The following LINGO2 variants were observed in gnomAD, a reference collection of about 807,000 sequenced individuals.
The protein encoded by LINGO2 is leucine-rich repeat and immunoglobulin-like domain-containing nogo receptor-interacting protein 2.
A neutral mutation model predicts 30.6 loss-of-function variants in LINGO2; 14 were observed. The observed-to-expected ratio is 0.46, with a 90% CI of 0.30 to 0.72. The LOEUF (loss-of-function observed/expected upper bound fraction) is 0.72, where lower values mean the gene tolerates loss of function less well. LINGO2 is among the 30% of genes least tolerant of loss of function. The pLI is 0.07. For synonymous variants in LINGO2, 317 were observed against 288.5 expected (o/e 1.10, Z -1.00); for missense variants, 729 against 751.7 (o/e 0.97, Z 0.35).
the LINGO2 span, among the ~76,000 whole-genome samples, chr9:29,136,560 A>G: frequency 6.6e-6 from 1 of 151,978 alleles, no homozygotes; most frequent in Admixed American, 6.6e-5. Flanking sequence ...TTCCTCTTAA[A>G]ATATTTCTTC....
At chr9:28,046,798 G>A (rs1257966470) in intron 4 of LINGO2, among the ~76,000 whole-genome samples, 1 of 152,052 alleles carries the variant, frequency 6.6e-6, no homozygotes, top group African/African-American at 2.4e-5. Context: ...CTCAAAGTAT[G>A]TGGCCAAGAA....
chr9:28,150,263 C>T (rs1476611961), intron 4 of LINGO2, among the ~76,000 whole-genome samples: 1 of 152,262 alleles, frequency 6.6e-6, no homozygotes, highest in Non-Finnish European at 1.5e-5. Context: ...AGCATCTCTG[C>T]CCGGCTGCTG....
chr9:28,237,426 G>A (rs979257213), intron 4 of LINGO2, among the ~76,000 whole-genome samples: 3 of 151,968 alleles, frequency 2.0e-5, no homozygotes, highest in Admixed American at 6.6e-5. Flanking sequence ...AAAATGGCAG[G>A]AGTAAGTCAC....
At chr9:28,749,410 G>A in the LINGO2 span, among the ~76,000 whole-genome samples, 1 of 151,910 alleles carries the variant, frequency 6.6e-6, no homozygotes, top group South Asian at 2.1e-4. Context: ...AGAGAATAAT[G>A]AGTTAGGACT....
chr9:29,191,921 T>C, the LINGO2 span, among the ~76,000 whole-genome samples: 1 of 152,154 alleles, frequency 6.6e-6, no homozygotes, highest in East Asian at 1.9e-4. Flanking sequence ...TTTCTTAATA[T>C]TGAGTTCACC....
At chr9:28,367,442 G>A (rs957973190) in intron 3 of LINGO2, among the ~76,000 whole-genome samples, 3 of 152,066 alleles carry the variant, frequency 2.0e-5, no homozygotes, top group African/African-American at 7.2e-5. Context: ...TGCATAAGCT[G>A]ATATTCCAGA....
chr9:27,994,151 AG>A (rs1346585752), intron 5 of LINGO2, among the ~76,000 whole-genome samples: 1 of 152,076 alleles, frequency 6.6e-6, no homozygotes, highest in African/African-American at 2.4e-5. Flanking sequence ...CAGCAAAAGT[AG>A]TACTAAACGG....
the LINGO2 span, among the ~76,000 whole-genome samples, chr9:28,970,788 T>C: frequency 1.3e-5 from 2 of 152,234 alleles, no homozygotes; most frequent in Admixed American, 6.5e-5. Flanking sequence ...CTGAGTAAAC[T>C]TGAAAGGCAG....
intron 3 of LINGO2, among the ~76,000 whole-genome samples, chr9:28,304,955 TTCTATTACTTA>T (rs1481242992): frequency 6.6e-6 from 1 of 152,038 alleles, no homozygotes; most frequent in Non-Finnish European, 1.5e-5. Context: ...AATACTTTAA[TTCTATTACTTA>T]TCAATGTTCT....
the LINGO2 span, among the ~76,000 whole-genome samples, chr9:28,859,164 T>G: frequency 3.3e-5 from 5 of 152,214 alleles, no homozygotes; most frequent in Non-Finnish European, 5.9e-5. Context: ...GTTTTTTACT[T>G]TTCCCAATTC....
intron 1 of LINGO2, among the ~76,000 whole-genome samples, chr9:28,498,525 G>C (rs2135303734): frequency 6.6e-6 from 1 of 152,282 alleles, no homozygotes; most frequent in East Asian, 1.9e-4. Flanking sequence ...AGAAGGGTGG[G>C]AGTTACCCCA....
chr9:28,665,282 G>A (rs1828755812), intron 1 of LINGO2, among the ~76,000 whole-genome samples: 1 of 151,710 alleles, frequency 6.6e-6, no homozygotes, highest in Non-Finnish European at 1.5e-5. Flanking sequence ...AAAAGATATG[G>A]GTTCCATACC....
At chr9:29,149,269 G>C in the LINGO2 span, among the ~76,000 whole-genome samples, 2 of 151,814 alleles carry the variant, frequency 1.3e-5, no homozygotes, top group Non-Finnish European at 2.9e-5. Flanking sequence ...TAACTTATCT[G>C]CTTGAGGCCA....
the LINGO2 span, among the ~76,000 whole-genome samples, chr9:28,911,313 T>G: frequency 4.6e-5 from 6 of 131,832 alleles, no homozygotes; most frequent in Non-Finnish European, 8.6e-5. Flanking sequence ...AATTTTTCTA[T>G]AAATAAAACT....
At chr9:27,968,794 G>T (rs930184307) in intron 5 of LINGO2, among the ~76,000 whole-genome samples, 48 of 151,414 alleles carry the variant, frequency 3.2e-4, no homozygotes, top group South Asian at 1.3e-3. Flanking sequence ...CAAAGATAAG[G>T]CTCCTTTTCT....
At chr9:29,093,072 CAGAG>C in the LINGO2 span, among the ~76,000 whole-genome samples, 3 of 112,096 alleles carry the variant, frequency 2.7e-5, no homozygotes, top group African/African-American at 1.1e-4. Flanking sequence ...GAGAGAGAGA[CAGAG>C]AGAGGGACAG....
chr9:28,727,314 C>T, the LINGO2 span, among the ~76,000 whole-genome samples: 1 of 151,342 alleles, frequency 6.6e-6, no homozygotes, highest in Non-Finnish European at 1.5e-5. Context: ...GAAACAGAAT[C>T]TCACTCTGTC....
At chr9:28,101,966 C>T (rs1395013370) in intron 4 of LINGO2, among the ~76,000 whole-genome samples, 1 of 152,086 alleles carries the variant, frequency 6.6e-6, no homozygotes, top group Admixed American at 6.6e-5. Flanking sequence ...CATGAACATG[C>T]TGCCATAGAC....
chr9:28,856,732 C>T, the LINGO2 span, among the ~76,000 whole-genome samples: 2 of 151,908 alleles, frequency 1.3e-5, no homozygotes, highest in African/African-American at 4.8e-5. Flanking sequence ...TGGGAAATTA[C>T]TGAAGCGTTT....
Sources: gnomAD v4.1 joint callset for allele counts (sites outside exome capture counted in the v4.1 genomes callset) on GRCh38, gnomAD v4.1.1 for gene constraint, MANE v1.5 for transcripts, NCBI Gene and HGNC (gene_info 2026-07-23, HGNC 2026-07-21) for gene names.